Variants in ASAP2 observed in about 807,000 individuals in gnomAD.
ASAP2 encodes arf-GAP with SH3 domain, ANK repeat and PH domain-containing protein 2.
ASAP2 carries 45 observed loss-of-function variants against 131.4 expected under a neutral mutation model. The ratio of observed to expected loss-of-function variants is 0.34; its 90% CI spans 0.27 to 0.44. The LOEUF is 0.44. Ranked by LOEUF, ASAP2 falls within the 20% of genes least tolerant of loss-of-function variation. The probability of loss-of-function intolerance (pLI) is 1.00; values close to 1 mark genes in which losing one functional copy is unlikely to be tolerated. For missense variants in ASAP2, 1,011 were observed against 1,297.0 expected, an observed-to-expected ratio of 0.78 and a Z score of 3.39; for synonymous variants, 510 against 503.0, an observed-to-expected ratio of 1.01 and a Z score of -0.19.
intron 1 of ASAP2, among the ~76,000 whole-genome samples, chr2:9,227,766 C>T (rs183417085): frequency 3.3e-5 from 5 of 152,292 alleles, no homozygotes; most frequent in Non-Finnish European, 5.9e-5. Flanking sequence ...TGTGAGTACA[C>T]GTGCATATAC....
At chr2:9,277,309 G>A (rs903602264) in intron 1 of ASAP2, among the ~76,000 whole-genome samples, 3 of 152,250 alleles carry the variant, frequency 2.0e-5, no homozygotes, top group Non-Finnish European at 4.4e-5. Context: ...GGTCCCGCGA[G>A]TCTGCGGCTG....
chr2:9,265,639 CAG>C (rs1381923215), intron 1 of ASAP2, among the ~76,000 whole-genome samples: 2 of 152,136 alleles, frequency 1.3e-5, no homozygotes, highest in East Asian at 1.9e-4. Flanking sequence ...TCTTTATATA[CAG>C]AGTTTTAAGT....
chr2:9,363,967 A>G (rs1275756207), intron 15 of ASAP2, among the ~76,000 whole-genome samples: 3 of 152,220 alleles, frequency 2.0e-5, no homozygotes, highest in African/African-American at 7.2e-5. Context: ...AGCACACACC[A>G]GCTTAATATC....
chr2:9,266,985 T>C (rs1665986726), intron 1 of ASAP2, among the ~76,000 whole-genome samples: 1 of 152,214 alleles, frequency 6.6e-6, no homozygotes, highest in Non-Finnish European at 1.5e-5. Flanking sequence ...AATAAATTAC[T>C]CCTGAAGTTC....
At chr2:9,388,805 T>C (rs1182449642) in intron 22 of ASAP2, among the ~76,000 whole-genome samples, 1 of 152,222 alleles carries the variant, frequency 6.6e-6, no homozygotes, top group Non-Finnish European at 1.5e-5. Flanking sequence ...CAGGGCAGCC[T>C]GAGGTGGCCA....
In ASAP2 at chr2:9,281,796, C is replaced by T. The variant is rs766136388; in HGVS notation, c.199+2407C>T. On this transcript the variant is annotated intron_variant, in intron 2 of 27. Coordinates refer to ENST00000281419, the MANE Select transcript of ASAP2 (RefSeq NM_003887.3). This position sits in a 1 kb window ranked among gnomAD's most constrained non-coding sequence, Gnocchi z 4.0. ...CTTAACCCTTTCCCAATTCATCTGT[C>T]GATGAAACTGTCACTGCCTCCCCTG... 1.6e-4 allele frequency among the ~76,000 whole-genome samples: 24 copies of T among 152,142 alleles called. No individual in the cohort carries two copies. The highest frequency in any genetic ancestry group is 1.8e-4 in the Non-Finnish European group (12 of 68,026).
intron 9 of ASAP2, among the ~76,000 whole-genome samples, chr2:9,341,372 G>A (rs545012652): frequency 3.3e-5 from 5 of 152,138 alleles, no homozygotes; most frequent in Non-Finnish European, 5.9e-5. Flanking sequence ...CAAATGTGAA[G>A]TTTAATAGGC....
intron 3 of ASAP2, among the ~76,000 whole-genome samples, chr2:9,316,656 T>C (rs1669690372): frequency 1.3e-5 from 2 of 152,188 alleles, no homozygotes; most frequent in South Asian, 4.1e-4. Flanking sequence ...GGCTCAGGGC[T>C]CTGAGTCCGT....
chr2:9,400,694 G>A, intron 25 of ASAP2, 48 bp from the exon 26 acceptor site: 1 of 1,497,296 alleles, frequency 6.7e-7, no homozygotes, highest in Non-Finnish European at 9.3e-7. Context: ...TACATCTCAT[G>A]GCTGTGATTG....
At position 9,232,048 on chromosome 2, in the gene ASAP2, G is replaced by A. The variant is rs1054311529; in HGVS notation, c.126+24818G>A. Among the ~76,000 whole-genome samples the A allele has an allele frequency of 2.0e-5, 3 of 152,210 alleles. No individual in the cohort carries two copies. Among genetic ancestry groups the A allele is most frequent in the Non-Finnish European group, 4.4e-5 (3 of 68,038 alleles). On this transcript the variant is annotated intron_variant, in intron 1 of 27. Coordinates refer to ENST00000281419, the MANE Select transcript of ASAP2 (RefSeq NM_003887.3). This position sits in a 1 kb window ranked among gnomAD's most constrained non-coding sequence, Gnocchi z 4.1. ...GTGCCCCTGTCATTTGTCAGCCAGAGCATTCAACAGCCTCTGCTCCCACTG... is the reference window on the plus strand; with the variant it reads ...GTGCCCCTGTCATTTGTCAGCCAGAACATTCAACAGCCTCTGCTCCCACTG...
Position 9,206,976 on chromosome 2 carries a change from C to A in ASAP2, c.-129C>A. On this transcript the variant is annotated 5_prime_UTR_variant, in exon 1 of 28. Transcript: ENST00000281419. This position sits in a 1 kb window ranked among gnomAD's most constrained non-coding sequence, Gnocchi z 4.0. ...GGCCCCGCGCGGCTCCCGCGCCCGG[C>A]GCTCCCCTTTGTCCGCGGGCCGGAG... 4 of 912,102 alleles carry A rather than the reference C, an allele frequency of 4.4e-6. No homozygotes were observed. The highest frequency in any genetic ancestry group is 5.3e-6 in the Non-Finnish European group (4 of 761,124). 56.5% of individuals were successfully genotyped at this position (912,102 alleles called of 1,614,324 possible).
intron 2 of ASAP2, among the ~76,000 whole-genome samples, chr2:9,293,837 C>T (rs1366359353): frequency 2.0e-5 from 3 of 152,068 alleles, no homozygotes; most frequent in Non-Finnish European, 4.4e-5. Context: ...TCAACTGGTA[C>T]AGTGTGAGCA....
chr2:9,328,803 GC>G (rs1670642131), intron 7 of ASAP2, among the ~76,000 whole-genome samples: 5 of 152,176 alleles, frequency 3.3e-5, no homozygotes, highest in Non-Finnish European at 7.3e-5. Flanking sequence ...GATGTACAGT[GC>G]TGGCATAGTT....
chr2:9,283,766 G>A (rs745834857), intron 2 of ASAP2, among the ~76,000 whole-genome samples: 2 of 152,184 alleles, frequency 1.3e-5, no homozygotes, highest in Non-Finnish European at 2.9e-5. Flanking sequence ...TCTCCTTCCT[G>A]GCTTGCAGAC....
intron 1 of ASAP2, among the ~76,000 whole-genome samples, chr2:9,258,522 A>G (rs1296758203): frequency 6.6e-6 from 1 of 152,152 alleles, no homozygotes; most frequent in Admixed American, 6.5e-5. Context: ...TGGCTCACCT[A>G]AGGCCCCAAT....
At chr2:9,297,939 C>T (rs1033923963) in intron 3 of ASAP2, among the ~76,000 whole-genome samples, 27 of 150,204 alleles carry the variant, frequency 1.8e-4, no homozygotes, top group African/African-American at 4.4e-4. Flanking sequence ...AGCAATGCCT[C>T]GGTTTTCAGC....
At chr2:9,242,214 G>A (rs17685287) in intron 1 of ASAP2, among the ~76,000 whole-genome samples, 29,255 of 152,144 alleles carry the variant, frequency 0.19, 3,191 homozygotes, top group Non-Finnish European at 0.26. Context: ...TCTTAGGGGC[G>A]CATGCTTTGG....
chr2:9,380,763 G>A lies in ASAP2; in HGVS notation c.1971G>A (p.Pro657=), dbSNP rs762724658. 1.8e-5 allele frequency: 29 copies of A among 1,614,008 alleles called. No individual in the cohort carries two copies. Among genetic ancestry groups the A allele is most frequent in the Admixed American group, 5.0e-5 (3 of 59,996 alleles). The part of the protein sequence containing the change: ...IEIANESGET[P]LDIAKRLKHE... ...TAGCAAACGAGTCAGGAGAGACTCC[G>A]CTGGACATTGCCAAGCGCCTCAAGC... The change falls in exon 20 of 28, where the codon CCG becomes CCA. Residue 657 remains proline, a synonymous_variant. Coordinates refer to ENST00000281419, the MANE Select transcript of ASAP2 (RefSeq NM_003887.3).
chr2:9,339,623 C>T (rs1406785668), intron 9 of ASAP2, among the ~76,000 whole-genome samples: 9 of 152,226 alleles, frequency 5.9e-5, no homozygotes, highest in East Asian at 5.8e-4. Flanking sequence ...CATGGTGTCG[C>T]GCTCTTAGAG....
Sources: allele counts gnomAD v4.1 joint callset (sites outside exome capture counted in the v4.1 genomes callset), GRCh38; gene constraint gnomAD v4.1.1; non-coding constraint Gnocchi (gnomAD v3.1); transcripts MANE v1.5; gene names NCBI Gene and HGNC (gene_info 2026-07-23, HGNC 2026-07-21).